Variants in TLN2 observed in about 807,000 individuals in gnomAD.
TLN2 encodes talin 2, also known as talin-2.
TLN2 carries 118 observed loss-of-function variants against 294.7 expected under a neutral mutation model. The ratio of observed to expected loss-of-function variants is 0.40; its 90% confidence interval spans 0.34 to 0.47. The LOEUF (loss-of-function observed/expected upper bound fraction) is 0.47. Among genes scored for constraint, TLN2 ranks in the 20% least tolerant of loss-of-function variants. The pLI is 0.84. For missense variants in TLN2, 3,083 were observed against 3,282.2 expected, an observed-to-expected ratio of 0.94 and a Z score of 1.48; for synonymous variants, 1,431 against 1,304.5, an observed-to-expected ratio of 1.10 and a Z score of -2.09.
In TLN2 at chr15:62,539,618, T is replaced by C. The variant is rs532221744; in HGVS notation, c.-237-50069T>C. On this transcript the variant is annotated intron_variant, in intron 1 of 58. Transcript: ENST00000636159. ...TGAGCACTGGAATTAGTGGGCATCT[T>C]GGAAACTAGAAGAAGGTAGTTCCAG... Among the ~76,000 whole-genome samples, 18 of 152,240 alleles carry C rather than the reference T, an allele frequency of 1.2e-4. No homozygotes were observed. The East Asian group carries it at 3.5e-3, about 29-fold the overall frequency.
intron 1 of TLN2, among the ~76,000 whole-genome samples, chr15:62,463,740 A>G (rs2036948609): frequency 1.3e-5 from 2 of 152,162 alleles, no homozygotes; most frequent in African/African-American, 4.8e-5. Flanking sequence ...ACAAAAAATT[A>G]GCCAGGCGTG....
chr15:62,743,844 C>T (rs940218933), intron 32 of TLN2, among the ~76,000 whole-genome samples: 4 of 152,134 alleles, frequency 2.6e-5, no homozygotes, highest in East Asian at 1.9e-4. Flanking sequence ...ATCACACCCC[C>T]GGGCCAGGTT....
intron 1 of TLN2, among the ~76,000 whole-genome samples, chr15:62,551,036 A>T (rs369727872): frequency 1.1e-4 from 16 of 152,130 alleles, no homozygotes; most frequent in African/African-American, 3.9e-4. Context: ...GGTTGATGGG[A>T]GACAGTGACA....
rs191319327 is a variant in TLN2 at position 62,825,624 on chromosome 15, C to T, written c.7002+5014C>T. ...CAGCAGTTTGGGAGGCCAAGGTGGGCGGATCATTTGAGGTCAGGAGTTCGA... is the reference window on the plus strand; with the variant it reads ...CAGCAGTTTGGGAGGCCAAGGTGGGTGGATCATTTGAGGTCAGGAGTTCGA... On this transcript the variant is annotated intron_variant, in intron 54 of 58. Transcript: ENST00000636159. Among the ~76,000 whole-genome samples the T allele has an allele frequency of 8.8e-3, 1,282 of 146,178 alleles. 20 individuals are homozygous for T. Among genetic ancestry groups the T allele is most frequent in the African/African-American group, 0.032 (1,229 of 38,698 alleles).
chr15:62,771,230 T>G (rs537014439), intron 42 of TLN2, 96 bp downstream of exon 42: 32 of 1,341,158 alleles, frequency 2.4e-5, no homozygotes, highest in Non-Finnish European at 3.1e-5. Context: ...ACACTTCCAG[T>G]TCTTGCTGGT....
At chr15:62,810,605 T>A (rs2066614067) in intron 52 of TLN2, among the ~76,000 whole-genome samples, 1 of 151,898 alleles carries the variant, frequency 6.6e-6, no homozygotes, top group Non-Finnish European at 1.5e-5. Flanking sequence ...GGCAGGGGTG[T>A]AGATAGTCAT....
rs2070192126 is a variant in TLN2 at position 62,838,891 on chromosome 15, T to C, written c.7410T>C (p.Asn2470=). ...AGNAVKRASD[N]LVRAAQKAAF... The stretch of plus-strand genomic sequence containing the variant: ...ATGCTGTGAAAAGAGCCTCAGACAA[T>C]CTTGTCCGTGCAGCCCAGAAGGCAG... Residue 2470 remains asparagine (N), a synonymous_variant, in exon 58 of 59, where the codon AAT becomes AAC. Transcript: ENST00000636159. 6.2e-7 allele frequency: 1 copy of C among 1,610,956 alleles called. No individual in the cohort carries two copies.
intron 1 of TLN2, among the ~76,000 whole-genome samples, chr15:62,445,599 AAGTC>A (rs1425810895): frequency 2.0e-5 from 3 of 152,322 alleles, no homozygotes; most frequent in East Asian, 1.9e-4. Context: ...TTCCAATAAA[AAGTC>A]AGTCAAGCGT....
At chr15:62,628,498 A>G (rs1596393287) in intron 3 of TLN2, among the ~76,000 whole-genome samples, 2 of 152,270 alleles carry the variant, frequency 1.3e-5, no homozygotes, top group African/African-American at 2.4e-5. Flanking sequence ...ACATGTATGA[A>G]TTACAGTAGA....
At position 62,702,615 on chromosome 15, in the gene TLN2, G is replaced by A. The variant is rs56013393; in HGVS notation, c.1906-151G>A. 129,635 of 706,856 alleles carry A rather than the reference G, an allele frequency of 0.18. 12,880 individuals are homozygous for A. The highest frequency in any genetic ancestry group is 0.27 in the Admixed American group (11,485 of 42,114). The allele number at this position is 706,856 out of a possible 1,614,324, so 43.8% of individuals were successfully genotyped here. ...GATGTTTCCTTTCACGGATTTCACC[G>A]GGATGTCTTCTATCTGGCAGACCAC... On this transcript the variant is annotated intron_variant, in intron 18 of 58. Transcript: ENST00000636159.
chr15:62,782,504 G>C (rs745570294), intron 44 of TLN2, among the ~76,000 whole-genome samples: 3 of 152,212 alleles, frequency 2.0e-5, no homozygotes, highest in Non-Finnish European at 4.4e-5. Flanking sequence ...AGCTGCCTTG[G>C]CTTGACCCTG....
At chr15:62,515,956 C>T (rs889160320) in intron 1 of TLN2, among the ~76,000 whole-genome samples, 1 of 152,192 alleles carries the variant, frequency 6.6e-6, no homozygotes, top group African/African-American at 2.4e-5. Context: ...CCCTATGCAA[C>T]AAGATCCTGG....
At chr15:62,577,763 A>T (rs552318462) in intron 1 of TLN2, among the ~76,000 whole-genome samples, 1 of 152,322 alleles carries the variant, frequency 6.6e-6, no homozygotes, top group Non-Finnish European at 1.5e-5. Context: ...TTACATAGGT[A>T]TACATGTGCC....
chr15:62,502,489 G>A (rs1284674778), intron 1 of TLN2, among the ~76,000 whole-genome samples: 2 of 134,140 alleles, frequency 1.5e-5, no homozygotes, highest in African/African-American at 5.7e-5. Flanking sequence ...ACCTGGGACA[G>A]ATTGCTCTAG....
chr15:62,776,893 G>T lies in TLN2; in HGVS notation c.5497G>T (p.Ala1833Ser). The change falls in exon 43 of 59, where the codon GCA becomes TCA. Residue 1833 changes from alanine to serine, a missense_variant. By Grantham distance (99) the Ala-to-Ser change is moderately conservative. Transcript: ENST00000636159. ...GLVGGMVDAIAEAMSKLDEGT... is the reference protein window; with the variant it reads ...GLVGGMVDAISEAMSKLDEGT... The stretch of plus-strand genomic sequence containing the variant: ...GGTTGGGGGCATGGTGGACGCCATT[G>T]CAGAAGCCATGAGCAAGGTGGGCAT... 1.3e-6 allele frequency: 2 copies of T among 1,581,014 alleles called. No individual in the cohort carries two copies. Among genetic ancestry groups the T allele is most frequent in the Non-Finnish European group, 1.7e-6 (2 of 1,162,630 alleles).
intron 1 of TLN2, among the ~76,000 whole-genome samples, chr15:62,414,552 A>G (rs1207933414): frequency 7.1e-6 from 1 of 140,560 alleles, no homozygotes. Context: ...GGGCTCAGGA[A>G]CCGTTGTTTT....
chr15:62,786,463 A>G (rs1460699903), intron 45 of TLN2, among the ~76,000 whole-genome samples: 1 of 152,216 alleles, frequency 6.6e-6, no homozygotes, highest in Non-Finnish European at 1.5e-5. Context: ...TCTTTGGAAA[A>G]GTTAAAAGCC....
intron 46 of TLN2, among the ~76,000 whole-genome samples, chr15:62,793,467 G>C (rs1322928432): frequency 6.6e-6 from 1 of 152,186 alleles, no homozygotes; most frequent in African/African-American, 2.4e-5. Flanking sequence ...ATATCTGACT[G>C]ATAGAACTGC....
At chr15:62,678,160 T>C (rs2141019026) in intron 11 of TLN2, among the ~76,000 whole-genome samples, 1 of 152,306 alleles carries the variant, frequency 6.6e-6, no homozygotes, top group Non-Finnish European at 1.5e-5. Flanking sequence ...TTTTGTTGCT[T>C]TCTACAATGT....
Sources: allele counts gnomAD v4.1 joint callset (sites outside exome capture counted in the v4.1 genomes callset), GRCh38; gene constraint gnomAD v4.1.1; transcripts MANE v1.5; gene names NCBI Gene and HGNC (gene_info 2026-07-23, HGNC 2026-07-21).